The following SRPK1 variants were observed in gnomAD, a reference collection of about 807,000 sequenced individuals.
SRPK1 encodes SFRS protein kinase 1.
SRPK1 carries 52 observed loss-of-function variants against 89.5 expected under a neutral mutation model. The ratio of observed to expected loss-of-function variants is 0.58; its 90% CI spans 0.46 to 0.73. The LOEUF (loss-of-function observed/expected upper bound fraction) is 0.73, where lower values mean the gene tolerates loss of function less well. Ranked by LOEUF, SRPK1 falls within the 30% of genes least tolerant of loss-of-function variation. The pLI is 0.00. For synonymous variants in SRPK1, 255 were observed against 270.2 expected (o/e 0.94, Z 0.55); for missense variants, 603 against 780.6 (o/e 0.77, Z 2.71).
intron 12 of SRPK1, among the ~76,000 whole-genome samples, chr6:35,857,783 C>G (rs1769696783): frequency 6.6e-6 from 1 of 152,152 alleles, no homozygotes; most frequent in Admixed American, 6.5e-5. Flanking sequence ...AACTCTTTAA[C>G]CTTGCAATTT....
chr6:35,884,271 GTCC>G (rs1770358993), intron 6 of SRPK1, among the ~76,000 whole-genome samples: 1 of 152,044 alleles, frequency 6.6e-6, no homozygotes, highest in Admixed American at 6.6e-5. Context: ...GAAACCAACT[GTCC>G]TCCTTCTTAA....
chr6:35,844,782 CTT>C (rs1256877132), intron 13 of SRPK1, among the ~76,000 whole-genome samples: 10 of 152,044 alleles, frequency 6.6e-5, no homozygotes, highest in African/African-American at 9.7e-5. Context: ...TTCACCAAAA[CTT>C]GTCAATCATT....
In SRPK1 at chr6:35,866,382, G is replaced by A. The variant is rs558440028; in HGVS notation, c.1512+2628C>T. On this transcript the variant is annotated intron_variant, in intron 12 of 15. Transcript: ENST00000373825. ...AGGCAGATCACAAGGTCAGGAGATC[G>A]AGACCATCCTGGCCAACATGGTGAA... 2.0e-5 allele frequency among the ~76,000 whole-genome samples: 3 copies of A among 152,196 alleles called. No individual in the cohort carries two copies. In the East Asian group the frequency reaches 5.8e-4, roughly 30 times the overall value.
intron 2 of SRPK1, among the ~76,000 whole-genome samples, chr6:35,913,106 C>G (rs998979547): frequency 6.6e-6 from 1 of 152,186 alleles, no homozygotes; most frequent in Non-Finnish European, 1.5e-5. Flanking sequence ...CCTAAGCACC[C>G]GCAGCCTTAT....
At chr6:35,904,256 G>A (rs1770801591) in intron 2 of SRPK1, among the ~76,000 whole-genome samples, 1 of 152,118 alleles carries the variant, frequency 6.6e-6, no homozygotes, top group Admixed American at 6.5e-5. Context: ...TTGAAAAACT[G>A]GATACTATGG....
intron 15 of SRPK1, 151 bp downstream of exon 15, chr6:35,838,186 A>AC (rs1769225604): frequency 1.7e-6 from 1 of 598,530 alleles, no homozygotes; most frequent in Admixed American, 4.1e-5. Context: ...GCTCTTGACC[A>AC]CTTTTTTTAC....
At chr6:35,919,404 G>T (rs1771179845) in intron 2 of SRPK1, among the ~76,000 whole-genome samples, 1 of 152,038 alleles carries the variant, frequency 6.6e-6, no homozygotes. Flanking sequence ...TCATTCAGTG[G>T]GGTGACCTAG....
intron 14 of SRPK1, among the ~76,000 whole-genome samples, chr6:35,842,251 G>A (rs557683091): frequency 8.4e-4 from 128 of 152,226 alleles, no homozygotes; most frequent in Middle Eastern, 3.4e-3. Flanking sequence ...ATGAACCACT[G>A]ATATATACAG....
chr6:35,840,631 T>C (rs572709654), intron 14 of SRPK1, among the ~76,000 whole-genome samples: 3 of 152,372 alleles, frequency 2.0e-5, no homozygotes, highest in East Asian at 3.9e-4. Context: ...TATGATAGGA[T>C]TGATATACTT....
chr6:35,913,706 G>A (rs1408635210), intron 2 of SRPK1, among the ~76,000 whole-genome samples: 2 of 150,712 alleles, frequency 1.3e-5, no homozygotes, highest in Non-Finnish European at 1.5e-5. Flanking sequence ...CCTGAGGCAG[G>A]AGAATTGCTT....
intron 13 of SRPK1, among the ~76,000 whole-genome samples, chr6:35,853,446 C>G (rs1435505534): frequency 6.6e-6 from 1 of 152,112 alleles, no homozygotes; most frequent in Non-Finnish European, 1.5e-5. Flanking sequence ...ATGTAAAGTA[C>G]TTGAGCACCT....
intron 2 of SRPK1, among the ~76,000 whole-genome samples, chr6:35,916,356 C>A (rs1771102666): frequency 6.6e-6 from 1 of 151,940 alleles, no homozygotes; most frequent in Non-Finnish European, 1.5e-5. Flanking sequence ...AAAAGGCAGA[C>A]CCTAAAAAAA....
At chr6:35,886,635 A>AAAG in intron 6 of SRPK1, 89 bp downstream of exon 6, 1 of 766,470 alleles carries the variant, frequency 1.3e-6, no homozygotes, top group Non-Finnish European at 2.3e-6. Context: ...TTGCCTTAGA[A>AAAG]AAGACACCAA....
chr6:35,848,261 AAAG>A (rs1769466743), intron 13 of SRPK1, among the ~76,000 whole-genome samples: 4 of 152,368 alleles, frequency 2.6e-5, no homozygotes, highest in South Asian at 2.1e-4. Context: ...TCATGAGCAC[AAAG>A]AAGAAAGCTG....
chr6:35,877,842 C>CA (rs61242263), intron 6 of SRPK1, among the ~76,000 whole-genome samples: 3,186 of 126,490 alleles, frequency 0.025, 110 homozygotes, highest in African/African-American at 0.086. Context: ...GACTCCGTCT[C>CA]AAAAAAAAAA....
At chr6:35,862,869 A>T (rs541213565) in intron 12 of SRPK1, among the ~76,000 whole-genome samples, 1 of 152,296 alleles carries the variant, frequency 6.6e-6, no homozygotes, top group Non-Finnish European at 1.5e-5. Flanking sequence ...TTCTAGAACT[A>T]AAAAATTCAC....
chr6:35,892,657 AAC>A (rs1770545465), intron 2 of SRPK1, among the ~76,000 whole-genome samples: 1 of 60,734 alleles, frequency 1.6e-5, no homozygotes, highest in Non-Finnish European at 3.1e-5. Context: ...GTCTAAAAAC[AAC>A]AACAACAACA....
chr6:35,872,513 A>G (rs1770054522), intron 8 of SRPK1, 50 bp downstream of exon 8: 1 of 1,488,386 alleles, frequency 6.7e-7, no homozygotes, highest in African/African-American at 1.4e-5. Flanking sequence ...TAAAAATAGA[A>G]ATTTCTTTTT....
chr6:35,873,999 T>C (rs941952730), intron 7 of SRPK1, among the ~76,000 whole-genome samples: 1 of 150,832 alleles, frequency 6.6e-6, no homozygotes, highest in Non-Finnish European at 1.5e-5. Context: ...GGCTAACTTT[T>C]TGTATTTTGA....
Sources: gnomAD v4.1 joint callset for allele counts (sites outside exome capture counted in the v4.1 genomes callset) on GRCh38, gnomAD v4.1.1 for gene constraint, MANE v1.5 for transcripts, NCBI Gene and HGNC (gene_info 2026-07-23, HGNC 2026-07-21) for gene names.